Variants in GALNT13 observed in about 807,000 individuals in gnomAD.
The protein encoded by GALNT13 is polypeptide N-acetylgalactosaminyltransferase 13, also known as UDP-GalNAc:polypeptide N-acetylgalactosaminyltransferase 13.
GALNT13 carries 28 observed loss-of-function variants against 64.2 expected under a neutral mutation model. The ratio of observed to expected loss-of-function variants is 0.44; its 90% CI spans 0.32 to 0.60. The LOEUF is 0.60. Ranked by LOEUF, GALNT13 falls within the 20% of genes least tolerant of loss-of-function variation. The pLI, the probability that GALNT13 is intolerant of heterozygous loss-of-function variation, is 0.05. For synonymous variants in GALNT13, 214 were observed against 224.6 expected (o/e 0.95, Z 0.42); for missense variants, 577 against 669.8 (o/e 0.86, Z 1.53).
At chr2:153,127,800 T>C in the GALNT13 span, among the ~76,000 whole-genome samples, 1 of 152,198 alleles carries the variant, frequency 6.6e-6, no homozygotes, top group Non-Finnish European at 1.5e-5. Context: ...TAGTTTTGTA[T>C]AACAGATAAT....
intron 4 of GALNT13, among the ~76,000 whole-genome samples, chr2:154,186,975 T>C (rs1363181128): frequency 1.3e-5 from 2 of 151,680 alleles, no homozygotes; most frequent in Non-Finnish European, 2.9e-5. Flanking sequence ...CAAGATTAAA[T>C]AACAGAACCA....
chr2:153,980,425 A>G (rs1424811325), intron 3 of GALNT13, among the ~76,000 whole-genome samples: 1 of 152,150 alleles, frequency 6.6e-6, no homozygotes, highest in Non-Finnish European at 1.5e-5. Context: ...GGTAGCCTAA[A>G]TAAAGTTAGT....
At chr2:154,154,036 G>A (rs1384131197) in intron 4 of GALNT13, among the ~76,000 whole-genome samples, 1 of 152,148 alleles carries the variant, frequency 6.6e-6, no homozygotes, top group Non-Finnish European at 1.5e-5. Flanking sequence ...CTCACGCTGG[G>A]AGCTGTAGAC....
intron 3 of GALNT13, among the ~76,000 whole-genome samples, chr2:154,042,695 CATATATATATATAT>C (rs70981696): frequency 9.3e-6 from 1 of 107,928 alleles, no homozygotes; most frequent in South Asian, 3.2e-4. Flanking sequence ...TATCATTATG[CATATATATATATAT>C]ATATATATAT....
chr2:153,402,569 C>G, the GALNT13 span, among the ~76,000 whole-genome samples: 1 of 152,112 alleles, frequency 6.6e-6, no homozygotes, highest in African/African-American at 2.4e-5. Context: ...GTACACCAAT[C>G]AGACGTAGAT....
At chr2:153,977,796 A>G (rs9973874) in intron 3 of GALNT13, among the ~76,000 whole-genome samples, 116,512 of 152,020 alleles carry the variant, frequency 0.77, 45,051 homozygotes, top group East Asian at 0.96. Flanking sequence ...TCAAATTTTA[A>G]AATTAAGGTC....
chr2:153,814,255 A>C, the GALNT13 span, among the ~76,000 whole-genome samples: 1 of 152,140 alleles, frequency 6.6e-6, no homozygotes, highest in African/African-American at 2.4e-5. Flanking sequence ...CCTGGCTAAC[A>C]TGGTGAAACC....
intron 3 of GALNT13, among the ~76,000 whole-genome samples, chr2:154,077,533 A>G (rs985761698): frequency 2.6e-5 from 4 of 151,562 alleles, no homozygotes. Context: ...TGTCATTTTC[A>G]TCTATTGAAT....
At chr2:153,436,032 C>A in the GALNT13 span, among the ~76,000 whole-genome samples, 1 of 152,278 alleles carries the variant, frequency 6.6e-6, no homozygotes, top group Middle Eastern at 3.4e-3. Flanking sequence ...GAGTTTTTAG[C>A]ATGAAGTGCT....
the GALNT13 span, among the ~76,000 whole-genome samples, chr2:153,784,711 A>C: frequency 6.6e-6 from 1 of 152,150 alleles, no homozygotes; most frequent in Non-Finnish European, 1.5e-5. Flanking sequence ...GGTTGAATCC[A>C]GGGGGCTGCA....
At chr2:153,235,814 C>T in the GALNT13 span, among the ~76,000 whole-genome samples, 1 of 152,018 alleles carries the variant, frequency 6.6e-6, no homozygotes, top group African/African-American at 2.4e-5. Flanking sequence ...CATAAGTACT[C>T]AAGTAAAAGG....
At chr2:153,784,616 A>T in the GALNT13 span, among the ~76,000 whole-genome samples, 2 of 152,182 alleles carry the variant, frequency 1.3e-5, no homozygotes, top group Non-Finnish European at 2.9e-5. Context: ...CCAGAGCCCC[A>T]GGAGCTTTAA....
At chr2:154,219,157 T>G (rs1430679030) in intron 4 of GALNT13, among the ~76,000 whole-genome samples, 1 of 152,124 alleles carries the variant, frequency 6.6e-6, no homozygotes, top group Non-Finnish European at 1.5e-5. Context: ...TGATGATAAA[T>G]AAGAACTATT....
intron 9 of GALNT13, among the ~76,000 whole-genome samples, chr2:154,376,155 C>T (rs1286463785): frequency 6.6e-6 from 1 of 152,138 alleles, no homozygotes; most frequent in African/African-American, 2.4e-5. Flanking sequence ...ATAAGCATAG[C>T]TTTAACTGGA....
At chr2:153,567,025 A>G in the GALNT13 span, among the ~76,000 whole-genome samples, 1 of 152,030 alleles carries the variant, frequency 6.6e-6, no homozygotes, top group South Asian at 2.1e-4. Context: ...CTATTGACAT[A>G]TTTGTCCTTT....
chr2:153,690,437 AGAGATGGTCTGTTTCTGTCTTC>A, the GALNT13 span, among the ~76,000 whole-genome samples: 1 of 152,102 alleles, frequency 6.6e-6, no homozygotes. Flanking sequence ...AAGATTTGTG[AGAGATGGTCTGTTTCTGTCTTC>A]AAGAATCTCA....
At chr2:154,178,679 G>A (rs1685792229) in intron 4 of GALNT13, among the ~76,000 whole-genome samples, 1 of 152,058 alleles carries the variant, frequency 6.6e-6, no homozygotes, top group African/African-American at 2.4e-5. Flanking sequence ...CACTCTTCCA[G>A]TTCCATTGTC....
chr2:153,243,547 T>G, the GALNT13 span, among the ~76,000 whole-genome samples: 163 of 152,244 alleles, frequency 1.1e-3, no homozygotes, highest in Admixed American at 2.0e-3. Flanking sequence ...TTCAGACTAC[T>G]GGAGAAACAG....
chr2:153,403,186 C>T, the GALNT13 span, among the ~76,000 whole-genome samples: 8 of 150,174 alleles, frequency 5.3e-5, no homozygotes, highest in South Asian at 8.3e-4. Context: ...AGTACCCTGC[C>T]GTGTGAGGTG....
Sources: allele counts gnomAD v4.1 joint callset (sites outside exome capture counted in the v4.1 genomes callset), GRCh38; gene constraint gnomAD v4.1.1; transcripts MANE v1.5; gene names NCBI Gene and HGNC (gene_info 2026-07-23, HGNC 2026-07-21).